The following LRRD1 variants were observed in gnomAD, a reference collection of about 807,000 sequenced individuals.
The protein encoded by LRRD1 is leucine rich repeats and death domain containing 1.
A neutral mutation model predicts 69.5 loss-of-function variants in LRRD1; 49 were observed. That is an observed-to-expected ratio of 0.70 (90% CI 0.56 to 0.89). The LOEUF is 0.89. Ranked by LOEUF, LRRD1 falls within the 40% of genes least tolerant of loss-of-function variation. LRRD1 has a pLI of 0.00. For missense variants in LRRD1, 853 were observed against 956.0 expected (o/e 0.89, Z 1.42); for synonymous variants, 303 against 338.9 (o/e 0.89, Z 1.16).
At chr7:92,167,394 GTT>G in intron 1 of LRRD1, among the ~76,000 whole-genome samples, 1 of 151,420 alleles carries the variant, frequency 6.6e-6, no homozygotes, top group Non-Finnish European at 1.5e-5. Flanking sequence ...AAACTTTTTA[GTT>G]TTGGTAATTG....
At position 92,163,962 on chromosome 7, in the gene LRRD1, A is replaced by T. The variant is rs1181396682; in HGVS notation, c.1241T>A (p.Ile414Asn). 1 of 1,536,238 alleles carries T rather than the reference A, an allele frequency of 6.5e-7. No individual in the cohort carries two copies. The highest frequency in any genetic ancestry group is 1.2e-5 in the South Asian group (1 of 81,684). The change falls in exon 2 of 6, where the codon ATC (isoleucine) becomes AAC (asparagine). Residue 414 changes from isoleucine to asparagine, a missense_variant. Ile to Asn is a moderately radical substitution (Grantham distance 149). Coordinates refer to ENST00000458448, the MANE Select transcript of LRRD1 (RefSeq NM_001161528.2). ...DNKLTELPKY[I>N]HKLNNLRKLH... is the part of the protein sequence containing the mutation. The stretch of plus-strand genomic sequence containing the variant: ...TTTTCTTAAATTGTTAAGCTTATGG[A>T]TGTACTTAGGGAGTTCTGTTAATTT...
rs563539882 is a variant in LRRD1, at chr7:92,154,472, G to T, written c.2117-3777C>A. On this transcript the variant is annotated intron_variant, in intron 3 of 5. Coordinates refer to ENST00000458448, the MANE Select transcript of LRRD1 (RefSeq NM_001161528.2). ...TTGCCCAGGCTGGTCCCAAACTCCT[G>T]AGTCTCAAGCAATCCTCACATCTCA... is the stretch of plus-strand genomic sequence containing the variant. Among the ~76,000 whole-genome samples, 730 of 151,862 alleles carry T rather than the reference G, an allele frequency of 4.8e-3. 3 individuals are homozygous for T. The highest frequency in any genetic ancestry group is 6.9e-3 in the Non-Finnish European group (467 of 67,972).
Position 92,164,243 on chromosome 7 carries a change from T to C in LRRD1, c.960A>G (p.Lys320=), listed in dbSNP as rs544145169. ...CTAAATTTTTAAGCTCTCTAATTTC[T>C]TTTGGCAAACTGCTTATTAGGTTTC... The part of the protein sequence containing the change: ...LTGNLISSLP[K]EIRELKNLET... Residue 320 remains lysine, a synonymous_variant, in exon 2 of 6, where the codon AAA becomes AAG. Coordinates refer to ENST00000458448, the MANE Select transcript of LRRD1 (RefSeq NM_001161528.2). 4 of 1,550,520 alleles carry C rather than the reference T, an allele frequency of 2.6e-6. No individual in the cohort carries two copies. In the African/African-American group the frequency reaches 5.5e-5, roughly 21 times the overall value.
downstream of LRRD1, chr7:92,144,799 G>C (rs551523914): frequency 1.4e-5 from 10 of 709,954 alleles, 1 homozygote; most frequent in African/African-American, 1.4e-4. Context: ...CAATTCTCTT[G>C]TATGATAAAG....
At chr7:92,167,380 C>T (rs938106888) in intron 1 of LRRD1, among the ~76,000 whole-genome samples, 1 of 151,794 alleles carries the variant, frequency 6.6e-6, no homozygotes, top group African/African-American at 2.4e-5. Context: ...AGGTGTGAGC[C>T]TGTAAACTTT....
chr7:92,153,592 G>A (rs1211086603), intron 3 of LRRD1, among the ~76,000 whole-genome samples: 1 of 151,414 alleles, frequency 6.6e-6, no homozygotes, highest in African/African-American at 2.4e-5. Context: ...CACTTTGGGA[G>A]GCCAAGGCGG....
intron 2 of LRRD1, among the ~76,000 whole-genome samples, chr7:92,159,724 C>T (rs970936780): frequency 3.2e-4 from 49 of 150,940 alleles, no homozygotes; most frequent in Non-Finnish European, 7.4e-5. Context: ...CGGGTTCAAG[C>T]AATTCTCCTG....
chr7:92,155,899 G>A (rs370174988), intron 3 of LRRD1, among the ~76,000 whole-genome samples: 36 of 152,360 alleles, frequency 2.4e-4, no homozygotes, highest in African/African-American at 8.7e-4. Context: ...ATGGAGGCCA[G>A]AAGACACAGC....
Position 92,163,826 on chromosome 7 carries a change from T to C in LRRD1, c.1377A>G (p.Glu459=). Residue 459 remains glutamate (E), a synonymous_variant, in exon 2 of 6, where the codon GAA becomes GAG. Transcript: ENST00000458448. The part of the protein sequence containing the change: ...SGNIITDVPI[E]IKNCQKIIKI... ...TAATTATTTTTTGGCAGTTTTTTATTTCAATGGGAACATCTGTGATTATGT... is the reference window on the plus strand; with the variant it reads ...TAATTATTTTTTGGCAGTTTTTTATCTCAATGGGAACATCTGTGATTATGT... 6.7e-7 allele frequency: 1 copy of C among 1,500,692 alleles called. No homozygotes were observed. The highest frequency in any genetic ancestry group is 2.5e-5 in the East Asian group (1 of 40,566). The allele number at this position is 1,500,692 out of a possible 1,614,324, so 93.0% of individuals were successfully genotyped here.
chr7:92,166,886 C>T lies in LRRD1; in HGVS notation c.-74-1610G>A, dbSNP rs1291867028. Reference sequence around the variant, plus strand: ...GAAAAGGTTATGCTCATCATTACTTCTATTTAACATTGTACTGAGATAGTA... The same window carrying T: ...GAAAAGGTTATGCTCATCATTACTTTTATTTAACATTGTACTGAGATAGTA... On this transcript the variant is annotated intron_variant, in intron 1 of 5. Coordinates refer to ENST00000458448, the MANE Select transcript of LRRD1 (RefSeq NM_001161528.2). Among the ~76,000 whole-genome samples, 3 of 152,014 alleles carry T rather than the reference C, an allele frequency of 2.0e-5. No homozygotes were observed. In the East Asian group the frequency reaches 5.8e-4, roughly 29 times the overall value.
intron 4 of LRRD1, among the ~76,000 whole-genome samples, chr7:92,150,256 G>A (rs1197590631): frequency 1.3e-5 from 2 of 152,140 alleles, no homozygotes; most frequent in Admixed American, 6.5e-5. Context: ...TTGAGCTCGG[G>A]AGTTCAAGAC....
At chr7:92,154,826 A>G (rs1460901257) in intron 3 of LRRD1, among the ~76,000 whole-genome samples, 1 of 152,046 alleles carries the variant, frequency 6.6e-6, no homozygotes, top group Non-Finnish European at 1.5e-5. Context: ...TCCATGGGAG[A>G]TACCTTCCAA....
rs1269953522 is a variant in LRRD1, at chr7:92,169,585, G to A, written c.-74-4309C>T. 2.0e-5 allele frequency among the ~76,000 whole-genome samples: 3 copies of A among 152,018 alleles called. No individual in the cohort carries two copies. In the East Asian group the frequency reaches 5.9e-4, roughly 30 times the overall value. Reference sequence around the variant, plus strand: ...TAACTGCTTAAACCCAAGAGGCAGAGGTTGTAGTGAGCTGAGGTTACACCA... The same window carrying A: ...TAACTGCTTAAACCCAAGAGGCAGAAGTTGTAGTGAGCTGAGGTTACACCA... On this transcript the variant is annotated intron_variant, in intron 1 of 5. Transcript: ENST00000458448.
chr7:92,142,357 G>A (rs1820174898), downstream of LRRD1: 2 of 430,310 alleles, frequency 4.6e-6, no homozygotes, highest in Admixed American at 5.4e-5. Flanking sequence ...GGGGATTGAG[G>A]ATCAGACAAC....
chr7:92,160,586 C>A (rs911319025), intron 2 of LRRD1, among the ~76,000 whole-genome samples: 6 of 151,952 alleles, frequency 3.9e-5, no homozygotes, highest in African/African-American at 1.2e-4. Context: ...CTTTGGGAGG[C>A]CAAGGTGGGT....
At chr7:92,159,368 G>A (rs1178099176) in intron 2 of LRRD1, among the ~76,000 whole-genome samples, 165 bp from the exon 3 acceptor site, 6 of 151,978 alleles carry the variant, frequency 3.9e-5, no homozygotes, top group African/African-American at 1.5e-4. Flanking sequence ...TCTCCCTTCT[G>A]ACTAAAACCC....
chr7:92,163,749 G>A lies in LRRD1; in HGVS notation c.1454C>T (p.Ala485Val). The change falls in exon 2 of 6, where the codon GCT (alanine) becomes GTT (valine). Residue 485 changes from alanine to valine, a missense_variant. This residue lies in a region of LRRD1 where 739 missense variants were observed against 808.0 expected (regional missense o/e 0.91). Transcript: ENST00000458448. The part of the protein sequence containing the change: ...KIMYFPLGLC[A>V]LDSLYYLSVN... The stretch of plus-strand genomic sequence containing the variant: ...ACTCAAATAATAAAGAGAATCTAAA[G>A]CACACAGTCCCAATGGAAAATACAT... 1 of 1,512,188 alleles carries A rather than the reference G, an allele frequency of 6.6e-7. No individual in the cohort carries two copies. Among genetic ancestry groups the A allele is most frequent in the Non-Finnish European group, 8.8e-7 (1 of 1,133,296 alleles). The allele number at this position is 1,512,188 out of a possible 1,614,324, so 93.7% of individuals were successfully genotyped here. A position where few individuals can be genotyped will look rare whatever the true frequency, so the allele number is the denominator to read the frequency against.
At chr7:92,150,797 C>T (rs1584651364) in intron 3 of LRRD1, 102 bp from the exon 4 acceptor site, 32 of 771,084 alleles carry the variant, frequency 4.1e-5, no homozygotes, top group Non-Finnish European at 6.1e-5. Context: ...CCAGAGGACC[C>T]TCACAATGCA....
chr7:92,167,221 G>A (rs905283565), intron 1 of LRRD1, among the ~76,000 whole-genome samples: 24 of 151,346 alleles, frequency 1.6e-4, no homozygotes, highest in African/African-American at 5.8e-4. Context: ...TCAGCCTCCT[G>A]AGTAGCTGGG....
Sources: gnomAD v4.1 joint callset for allele counts (sites outside exome capture counted in the v4.1 genomes callset) on GRCh38, gnomAD v4.1.1 for gene constraint, gnomAD v4.1.1 regional missense constraint, MANE v1.5 for transcripts, NCBI Gene and HGNC (gene_info 2026-07-23, HGNC 2026-07-21) for gene names.